Variants in KCNA2 observed in about 807,000 individuals in gnomAD.
The protein encoded by KCNA2 is potassium channel, voltage gated shaker related subfamily A, member 2.
KCNA2 carries 11 observed loss-of-function variants against 33.4 expected under a neutral mutation model. The observed-to-expected ratio is 0.33, with a 90% confidence interval of 0.21 to 0.55. KCNA2 has a LOEUF of 0.55. Among genes scored for constraint, KCNA2 ranks in the 20% least tolerant of loss-of-function variants. The pLI is 0.93. For synonymous variants in KCNA2, 222 were observed against 231.3 expected (o/e 0.96, Z 0.37); for missense variants, 291 against 621.6 (o/e 0.47, Z 5.66).
In KCNA2 at chr1:110,599,179, GC is replaced by G. The variant is rs1288455116; in HGVS notation, c.*4103del. On this transcript the variant is annotated 3_prime_UTR_variant, in exon 3 of 3. Transcript: ENST00000316361. ...AATCAGGAGTGAGGCCTGATCCAAA[GC>G]CTGACTGCAACTCTTTACTTCCGAT... 5.1e-6 allele frequency: 5 copies of G among 985,440 alleles called. No homozygotes were observed. The African/African-American group carries it at 8.7e-5, about 17-fold the overall frequency. 61.0% of individuals were successfully genotyped at this position (985,440 alleles called of 1,614,324 possible). A position where few individuals can be genotyped will look rare whatever the true frequency, so the allele number is the denominator to read the frequency against.
intron 1 of KCNA2, among the ~76,000 whole-genome samples, chr1:110,619,809 C>T (rs1186719917): frequency 1.3e-5 from 2 of 152,168 alleles, no homozygotes; most frequent in African/African-American, 4.8e-5. Context: ...CTGACAACAC[C>T]TCCCCTTCCG....
Position 110,600,153 on chromosome 1 carries a change from C to T in KCNA2, c.*3130G>A, listed in dbSNP as rs1649273909. 2 of 984,090 alleles carry T rather than the reference C, an allele frequency of 2.0e-6. No homozygotes were observed. The highest frequency in any genetic ancestry group is 1.8e-5 in the African/African-American group (1 of 56,734). The allele number at this position is 984,090 out of a possible 1,614,324, so 61.0% of individuals were successfully genotyped here. ...GATCTTTTGTTTGTGCCTGTTAATT[C>T]ATAGCTCTGGGGGCAGGGCAATGGG... On this transcript the variant is annotated 3_prime_UTR_variant, in exon 3 of 3. Coordinates refer to ENST00000316361, the MANE Select transcript of KCNA2 (RefSeq NM_004974.4).
intron 1 of KCNA2, among the ~76,000 whole-genome samples, chr1:110,617,740 G>A (rs575716669): frequency 6.6e-6 from 1 of 152,342 alleles, no homozygotes; most frequent in South Asian, 2.1e-4. Flanking sequence ...GAGAGAGAGT[G>A]TGGAGGGGCC....
At chr1:110,608,327 C>T (rs1649751099), upstream of KCNA2, among the ~76,000 whole-genome samples, 1 of 152,208 alleles carries the variant, frequency 6.6e-6, no homozygotes, top group South Asian at 2.1e-4. Context: ...CTCCAGGTCC[C>T]TGTCAGGGTC....
chr1:110,613,487 T>C (rs56265238), intron 1 of KCNA2, among the ~76,000 whole-genome samples: 26,290 of 152,240 alleles, frequency 0.17, 3,207 homozygotes, highest in East Asian at 0.41. Context: ...ACAGCTTAAC[T>C]GCCTCTCCTT....
chr1:110,596,214 A>C lies in KCNA2; in HGVS notation c.*7069T>G, dbSNP rs2101357335. 1 of 985,366 alleles carries C rather than the reference A, an allele frequency of 1.0e-6. No individual in the cohort carries two copies. Among genetic ancestry groups the C allele is most frequent in the East Asian group, 1.1e-4 (1 of 8,824 alleles). The allele number at this position is 985,366 out of a possible 1,614,324, so 61.0% of individuals were successfully genotyped here. A position where few individuals can be genotyped will look rare whatever the true frequency, so the allele number is the denominator to read the frequency against. ...AAAGAATGCAAAGGAGGTCATTCAA[A>C]AAATGCACATAAATGCAGTTTATTC... On this transcript the variant is annotated 3_prime_UTR_variant, in exon 3 of 3. Coordinates refer to ENST00000316361, the MANE Select transcript of KCNA2 (RefSeq NM_004974.4).
At chr1:110,609,981 A>G (rs1269741746), upstream of KCNA2, among the ~76,000 whole-genome samples, 1 of 152,220 alleles carries the variant, frequency 6.6e-6, no homozygotes, top group African/African-American at 2.4e-5. Flanking sequence ...ATTAGCTATA[A>G]AGAATGGACA....
Position 110,604,869 on chromosome 1 carries a change from G to C in KCNA2, c.-87C>G. 1.6e-6 allele frequency: 2 copies of C among 1,282,482 alleles called. No individual in the cohort carries two copies. Among genetic ancestry groups the C allele is most frequent in the Non-Finnish European group, 2.2e-6 (2 of 917,216 alleles). 79.4% of individuals were successfully genotyped at this position (1,282,482 alleles called of 1,614,324 possible). On this transcript the variant is annotated 5_prime_UTR_variant, in exon 3 of 3. Coordinates refer to ENST00000316361, the MANE Select transcript of KCNA2 (RefSeq NM_004974.4). This position sits in a 1 kb window ranked among gnomAD's most constrained non-coding sequence, Gnocchi z 7.6. ...AGGGTGCTGCTACTGGCCCCAGGAA[G>C]CACAGGAGCATTGGCCTGGTCTCCT... is the stretch of plus-strand genomic sequence containing the variant.
chr1:110,604,832 GGCA>G lies in KCNA2; in HGVS notation c.-53_-51del. 6.5e-7 allele frequency: 1 copy of G among 1,531,948 alleles called. No individual in the cohort carries two copies. Among genetic ancestry groups the G allele is most frequent in the Non-Finnish European group, 8.9e-7 (1 of 1,129,056 alleles). The allele number at this position is 1,531,948 out of a possible 1,614,324, so 94.9% of individuals were successfully genotyped here. On this transcript the variant is annotated 5_prime_UTR_variant, in exon 3 of 3. Coordinates refer to ENST00000316361, the MANE Select transcript of KCNA2 (RefSeq NM_004974.4). This position sits in a 1 kb window ranked among gnomAD's most constrained non-coding sequence, Gnocchi z 7.6. The stretch of plus-strand genomic sequence containing the variant: ...ACGCTATGCCTTTCAGCTGCCTGGT[GGCA>G]GGGAGCTCAGGGTGCTGCTACTGGC...
At chr1:110,607,105 G>C (rs951929170), upstream of KCNA2, 2 of 152,282 alleles carry the variant, frequency 1.3e-5, no homozygotes, top group Non-Finnish European at 2.9e-5. Context: ...GCAGACGGCA[G>C]TGGTCGGCAA....
At chr1:110,619,621 G>A (rs532572312) in intron 1 of KCNA2, among the ~76,000 whole-genome samples, 2 of 152,260 alleles carry the variant, frequency 1.3e-5, no homozygotes, top group Non-Finnish European at 2.9e-5. Flanking sequence ...GGGAGAGACC[G>A]GGAGTGGACA....
In KCNA2 at chr1:110,604,627, G is replaced by A. The variant is rs1444396267; in HGVS notation, c.156C>T (p.Ala52=). The change falls in exon 3 of 3, where the codon GCC becomes GCT. Residue 52 remains alanine (A), a synonymous_variant. Transcript: ENST00000316361. This position sits in a 1 kb window ranked among gnomAD's most constrained non-coding sequence, Gnocchi z 7.6. ...LRFETQLKTL[A]QFPETLLGDP... is the part of the protein sequence containing the mutation. Reference sequence around the variant, plus strand: ...CCCCTAAGAGGGTCTCTGGAAACTGGGCTAAGGTCTTTAGCTGGGTCTCAA... The same window carrying A: ...CCCCTAAGAGGGTCTCTGGAAACTGAGCTAAGGTCTTTAGCTGGGTCTCAA... 3 of 1,614,146 alleles carry A rather than the reference G, an allele frequency of 1.9e-6. No homozygotes were observed. The highest frequency in any genetic ancestry group is 3.3e-5 in the Admixed American group (2 of 60,014).
At chr1:110,608,500 G>A (rs1018617163), upstream of KCNA2, among the ~76,000 whole-genome samples, 17 of 152,194 alleles carry the variant, frequency 1.1e-4, no homozygotes, top group Non-Finnish European at 2.1e-4. Flanking sequence ...ACCTCGTGGG[G>A]AGAGCCCTGA....
chr1:110,624,247 T>C (rs1650335480), intron 1 of KCNA2, among the ~76,000 whole-genome samples: 1 of 152,238 alleles, frequency 6.6e-6, no homozygotes, highest in African/African-American at 2.4e-5. Context: ...AATCCAAATG[T>C]CCACCAACTG....
rs1649263280 is a variant in KCNA2 at position 110,599,910 on chromosome 1, C to T, written c.*3373G>A. 1 of 985,274 alleles carries T rather than the reference C, an allele frequency of 1.0e-6. No homozygotes were observed. The highest frequency in any genetic ancestry group is 1.2e-6 in the Non-Finnish European group (1 of 829,958). 61.0% of individuals were successfully genotyped at this position (985,274 alleles called of 1,614,324 possible). A position where few individuals can be genotyped will look rare whatever the true frequency, so the allele number is the denominator to read the frequency against. On this transcript the variant is annotated 3_prime_UTR_variant, in exon 3 of 3. Coordinates refer to ENST00000316361, the MANE Select transcript of KCNA2 (RefSeq NM_004974.4). The stretch of plus-strand genomic sequence containing the variant: ...CCCAGGTACTTTCACACCCTGCACC[C>T]AGGTTTCTGGTGGGAGGAAGGTGAA...
chr1:110,602,575 T>G lies in KCNA2; in HGVS notation c.*708A>C. Reference sequence around the variant, plus strand: ...GAGGCTTAGAGGTCTGTTGGTTTGTTAGCTTCTCCCCATAGGCCTAAGGGA... The same window carrying G: ...GAGGCTTAGAGGTCTGTTGGTTTGTGAGCTTCTCCCCATAGGCCTAAGGGA... On this transcript the variant is annotated 3_prime_UTR_variant, in exon 3 of 3. Coordinates refer to ENST00000316361, the MANE Select transcript of KCNA2 (RefSeq NM_004974.4). 9.7e-7 allele frequency: 1 copy of G among 1,027,630 alleles called. No individual in the cohort carries two copies. 63.7% of individuals were successfully genotyped at this position (1,027,630 alleles called of 1,614,324 possible).
In KCNA2 at chr1:110,602,284, A is replaced by T; in HGVS notation, c.*999T>A. Reference sequence around the variant, plus strand: ...GATTTTTGCCTTCTGATGGGAAAAAAACCCCTAGTTCAAGACCATTCCAAG... The same window carrying T: ...GATTTTTGCCTTCTGATGGGAAAAATACCCCTAGTTCAAGACCATTCCAAG... On this transcript the variant is annotated 3_prime_UTR_variant, in exon 3 of 3. Transcript: ENST00000316361. 1 of 1,498,228 alleles carries T rather than the reference A, an allele frequency of 6.7e-7. No individual in the cohort carries two copies. The highest frequency in any genetic ancestry group is 8.9e-7 in the Non-Finnish European group (1 of 1,126,498). 92.8% of individuals were successfully genotyped at this position (1,498,228 alleles called of 1,614,324 possible). A position where few individuals can be genotyped will look rare whatever the true frequency, so the allele number is the denominator to read the frequency against.
intron 1 of KCNA2, among the ~76,000 whole-genome samples, chr1:110,626,320 A>G (rs1175011515): frequency 1.3e-5 from 2 of 152,180 alleles, no homozygotes; most frequent in Non-Finnish European, 2.9e-5. Context: ...AAAGCTCTGG[A>G]TATATTATAA....
In KCNA2 at chr1:110,616,553, A is replaced by G. The variant is rs147367968; in HGVS notation, c.-495-10831T>C. Among the ~76,000 whole-genome samples the G allele has an allele frequency of 1.6e-3, 238 of 152,358 alleles. 2 individuals carry two copies. Among genetic ancestry groups the G allele is most frequent in the East Asian group, 2.3e-3 (12 of 5,194 alleles). On this transcript the variant is annotated intron_variant, in intron 1 of 4. Coordinates refer to the KCNA2 transcript ENST00000369770. ...AATAAGCCAGCATGGTTCCTAAGGA[A>G]AAAACAACAGAGCCTGGGAACAACC...
Sources: gnomAD v4.1 joint callset for allele counts (sites outside exome capture counted in the v4.1 genomes callset) on GRCh38, gnomAD v4.1.1 for gene constraint, Gnocchi (gnomAD v3.1) non-coding constraint, MANE v1.5 for transcripts, NCBI Gene and HGNC (gene_info 2026-07-23, HGNC 2026-07-21) for gene names.